The following RBFOX1 variants were observed in gnomAD, a reference collection of about 807,000 sequenced individuals.
The protein encoded by RBFOX1 is RNA binding fox-1 homolog 1, also known as RNA binding protein fox-1 homolog 1.
In RBFOX1, 8 loss-of-function variants were observed where a neutral mutation model predicts 57.7. The observed-to-expected ratio is 0.14, with a 90% confidence interval of 0.08 to 0.25. RBFOX1 has a LOEUF of 0.25. RBFOX1 is among the 10% of genes least tolerant of loss of function. RBFOX1 has a pLI of 1.00. For missense variants in RBFOX1, 611 were observed against 548.5 expected (o/e 1.11, Z -1.14); for synonymous variants, 326 against 222.4 (o/e 1.47, Z -4.15).
chr16:5,384,142 G>A (rs2066199444), intron 1 of RBFOX1, among the ~76,000 whole-genome samples: 1 of 152,182 alleles, frequency 6.6e-6, no homozygotes. Flanking sequence ...TGGGTCATGT[G>A]ATCATTGCTT....
chr16:5,872,415 G>A (rs151260762), intron 4 of RBFOX1, among the ~76,000 whole-genome samples: 4 of 152,268 alleles, frequency 2.6e-5, no homozygotes, highest in African/African-American at 7.2e-5. Context: ...AGGTTTGTTT[G>A]AACTTTAAAT....
chr16:6,318,316 G>C (rs187387278), intron 2 of RBFOX1, among the ~76,000 whole-genome samples: 16 of 152,306 alleles, frequency 1.1e-4, no homozygotes, highest in Non-Finnish European at 1.0e-4. Flanking sequence ...TGCCTTTGAA[G>C]TTCAGGCTTC....
intron 4 of RBFOX1, among the ~76,000 whole-genome samples, chr16:7,480,241 A>C (rs1319974279): frequency 6.6e-6 from 1 of 152,144 alleles, no homozygotes; most frequent in African/African-American, 2.4e-5. Flanking sequence ...GGGCCTCGGG[A>C]AGCAACTTAG....
At chr16:6,918,240 C>G (rs969684882) in intron 3 of RBFOX1, among the ~76,000 whole-genome samples, 1 of 150,672 alleles carries the variant, frequency 6.6e-6, no homozygotes, top group East Asian at 2.0e-4. Context: ...TGAGATTGTA[C>G]CATTGCAATC....
At position 7,353,120 on chromosome 16, in the gene RBFOX1, A is replaced by C. The variant is rs1603627065; in HGVS notation, c.28-165027A>C. Among the ~76,000 whole-genome samples the C allele has an allele frequency of 2.0e-5, 3 of 152,294 alleles. No individual in the cohort carries two copies. In the Middle Eastern group the frequency reaches 0.01, roughly 518 times the overall value. On this transcript the variant is annotated intron_variant, in intron 4 of 15. Coordinates refer to ENST00000550418, the MANE Select transcript of RBFOX1 (RefSeq NM_018723.4). ...CCAGTTGTCTAAAGTTTTTAGCACC[A>C]CTACTACTGTATAGCTAATATTTTC... is the stretch of plus-strand genomic sequence containing the variant.
At chr16:7,375,497 T>A (rs891478218) in intron 4 of RBFOX1, among the ~76,000 whole-genome samples, 4 of 151,366 alleles carry the variant, frequency 2.6e-5, no homozygotes, top group African/African-American at 7.3e-5. Flanking sequence ...CGAGAGGTTT[T>A]GTTTTTTTGT....
chr16:5,596,523 G>A (rs1005218695), intron 2 of RBFOX1, among the ~76,000 whole-genome samples: 11 of 152,144 alleles, frequency 7.2e-5, no homozygotes, highest in Non-Finnish European at 1.3e-4. Context: ...TAGACTAGAT[G>A]GAATTGGGCA....
rs550027250 is a variant in RBFOX1 at position 6,672,410 on chromosome 16, G to A, written c.-16+17760G>A. On this transcript the variant is annotated intron_variant, in intron 3 of 15. Transcript: ENST00000550418. Reference sequence around the variant, plus strand: ...GAAGGAGAGAGAGAAAAGGAAGGACGGATGGATGGAAGGAAGGAAAAAGAA... The same window carrying A: ...GAAGGAGAGAGAGAAAAGGAAGGACAGATGGATGGAAGGAAGGAAAAAGAA... 1.3e-4 allele frequency among the ~76,000 whole-genome samples: 19 copies of A among 148,830 alleles called. No individual in the cohort carries two copies. In the South Asian group the frequency reaches 1.7e-3, roughly 13 times the overall value.
chr16:5,498,618 C>G (rs1259540976), intron 2 of RBFOX1, among the ~76,000 whole-genome samples: 1 of 152,118 alleles, frequency 6.6e-6, no homozygotes, highest in South Asian at 2.1e-4. Flanking sequence ...GTTGTTTAGG[C>G]AGGAGAAGAT....
intron 9 of RBFOX1, among the ~76,000 whole-genome samples, chr16:7,606,308 A>T (rs2095283783): frequency 6.6e-6 from 1 of 151,656 alleles, no homozygotes; most frequent in Non-Finnish European, 1.5e-5. Flanking sequence ...TTTTTAGTAG[A>T]GATGGGGTTT....
At chr16:6,756,746 G>T (rs191835258) in intron 3 of RBFOX1, among the ~76,000 whole-genome samples, 2 of 152,086 alleles carry the variant, frequency 1.3e-5, no homozygotes, top group African/African-American at 4.8e-5. Context: ...CTGAGGCAGG[G>T]GGGTCATGTG....
intron 3 of RBFOX1, among the ~76,000 whole-genome samples, chr16:6,699,560 A>G (rs1255161104): frequency 6.6e-6 from 1 of 152,198 alleles, no homozygotes; most frequent in Admixed American, 6.5e-5. Flanking sequence ...AACAAACACC[A>G]AAGCGAGTGA....
intron 3 of RBFOX1, among the ~76,000 whole-genome samples, chr16:6,667,630 C>G (rs945842929): frequency 5.3e-5 from 8 of 152,032 alleles, no homozygotes; most frequent in East Asian, 3.9e-4. Context: ...GCCTGGAATC[C>G]TAGCGCTTTT....
intron 2 of RBFOX1, among the ~76,000 whole-genome samples, chr16:6,609,930 C>G (rs2098016971): frequency 6.6e-6 from 1 of 152,100 alleles, no homozygotes; most frequent in African/African-American, 2.4e-5. Context: ...CTTGCTTGAA[C>G]CCAGGAGGTG....
chr16:7,200,147 A>G (rs1050987570), intron 4 of RBFOX1, among the ~76,000 whole-genome samples: 1 of 152,234 alleles, frequency 6.6e-6, no homozygotes, highest in Non-Finnish European at 1.5e-5. Flanking sequence ...GTTCTGGGCT[A>G]CAAATTGGGC....
chr16:7,410,462 A>T (rs181222747), intron 4 of RBFOX1, among the ~76,000 whole-genome samples: 20 of 152,318 alleles, frequency 1.3e-4, no homozygotes, highest in African/African-American at 4.8e-4. Flanking sequence ...TGGGTGGATT[A>T]CATGAGGTTG....
intron 4 of RBFOX1, among the ~76,000 whole-genome samples, chr16:5,924,831 G>A (rs1395059996): frequency 1.3e-5 from 2 of 152,072 alleles, no homozygotes; most frequent in African/African-American, 4.8e-5. Context: ...CCTTCCCAAG[G>A]ATGGACGTGA....
Position 6,176,313 on chromosome 16 carries a change from ATTTTT to A in RBFOX1, c.-126-140661_-126-140657del, listed in dbSNP as rs34667158. Among the ~76,000 whole-genome samples the A allele has an allele frequency of 4.9e-3, 470 of 95,228 alleles. 2 individuals are homozygous for A. Among genetic ancestry groups the A allele is most frequent in the African/African-American group, 0.021 (446 of 21,632 alleles). The allele number at this position is 95,228 out of a possible 152,430, so 62.5% of individuals were successfully genotyped here. On this transcript the variant is annotated intron_variant, in intron 1 of 15. Coordinates refer to ENST00000550418, the MANE Select transcript of RBFOX1 (RefSeq NM_018723.4). ...GGTGCCCACCGCCATGCCTGACCAAATTTTTTTTTTTTTTTTTTTTTTTTTAGTAG... is the reference window on the plus strand; with the variant it reads ...GGTGCCCACCGCCATGCCTGACCAAATTTTTTTTTTTTTTTTTTTTAGTAG...
chr16:6,650,140 T>C (rs1415662797), intron 2 of RBFOX1, among the ~76,000 whole-genome samples: 1 of 152,210 alleles, frequency 6.6e-6, no homozygotes, highest in Non-Finnish European at 1.5e-5. Context: ...TTGAGAAGCC[T>C]CCACACCGTT....
Sources: gnomAD v4.1 joint callset for allele counts (sites outside exome capture counted in the v4.1 genomes callset) on GRCh38, gnomAD v4.1.1 for gene constraint, MANE v1.5 for transcripts, NCBI Gene and HGNC (gene_info 2026-07-23, HGNC 2026-07-21) for gene names.